CACNA1D: variants seen among roughly 807,000 people sequenced by gnomAD.
The protein encoded by CACNA1D is voltage-dependent L-type calcium channel subunit alpha-1D.
Under a neutral mutation model 257.1 loss-of-function variants are expected in CACNA1D, and 55 were observed. The observed-to-expected ratio is 0.21, with a 90% confidence interval of 0.17 to 0.27. The LOEUF (loss-of-function observed/expected upper bound fraction) is 0.27. Among genes scored for constraint, CACNA1D ranks in the 10% least tolerant of loss-of-function variants. CACNA1D has a pLI of 1.00. For synonymous variants in CACNA1D, 980 were observed against 1,014.9 expected, an observed-to-expected ratio of 0.97 and a Z score of 0.65; for missense variants, 1,876 against 2,784.0, an observed-to-expected ratio of 0.67 and a Z score of 7.34.
intron 4 of CACNA1D, among the ~76,000 whole-genome samples, chr3:53,651,685 C>T (rs2094098954): frequency 6.6e-6 from 1 of 152,152 alleles, no homozygotes; most frequent in Non-Finnish European, 1.5e-5. Flanking sequence ...ACCAAATACC[C>T]ATGTAGGAAG....
chr3:53,745,864 T>A lies in CACNA1D; in HGVS notation c.3156T>A (p.Pro1052=). 1 of 1,613,500 alleles carries A rather than the reference T, an allele frequency of 6.2e-7. No individual in the cohort carries two copies. Among genetic ancestry groups the A allele is most frequent in the Non-Finnish European group, 8.5e-7 (1 of 1,179,440 alleles). Residue 1052 remains proline, a synonymous_variant, in exon 25 of 48, where the codon CCT becomes CCA. Transcript: ENST00000350061. ...YRCTDEAKSN[P]EECRGLFILY... ...GTACGGATGAAGCCAAAAGTAACCC[T>A]GAAGAATGCAGGTGAGCGTCCTGAG... is the stretch of plus-strand genomic sequence containing the variant.
At chr3:53,661,679 G>A (rs1273400171) in intron 5 of CACNA1D, among the ~76,000 whole-genome samples, 2 of 152,216 alleles carry the variant, frequency 1.3e-5, no homozygotes, top group African/African-American at 4.8e-5. Flanking sequence ...TGGGGGCTGT[G>A]GCTGTGTGCG....
rs146390437 is a variant in CACNA1D at position 53,586,607 on chromosome 3, A to G, written c.484-64172A>G. Reference sequence around the variant, plus strand: ...TAGTATTCTAAAACTAACAGTAACAACGATTCTTTACATTTTTATAGAGAG... The same window carrying G: ...TAGTATTCTAAAACTAACAGTAACAGCGATTCTTTACATTTTTATAGAGAG... On this transcript the variant is annotated intron_variant, in intron 3 of 47. Coordinates refer to ENST00000350061, the MANE Select transcript of CACNA1D (RefSeq NM_001128840.3). Among the ~76,000 whole-genome samples the G allele has an allele frequency of 2.8e-3, 422 of 152,298 alleles. 2 individuals are homozygous for G. Among genetic ancestry groups the G allele is most frequent in the African/African-American group, 8.1e-3 (338 of 41,572 alleles).
chr3:53,652,367 C>G (rs2094106497), intron 4 of CACNA1D, among the ~76,000 whole-genome samples: 1 of 152,066 alleles, frequency 6.6e-6, no homozygotes, highest in South Asian at 2.1e-4. Context: ...GTTAAGGAGA[C>G]AGACAAGAGT....
intron 3 of CACNA1D, among the ~76,000 whole-genome samples, chr3:53,614,196 C>T (rs1160818243): frequency 6.6e-6 from 1 of 151,512 alleles, no homozygotes; most frequent in Non-Finnish European, 1.5e-5. Flanking sequence ...AGGAAGACAT[C>T]GTCCCGGGGC....
At position 53,774,818 on chromosome 3, in the gene CACNA1D, G is replaced by A. The variant is rs186187733; in HGVS notation, c.4202+140G>A. On this transcript the variant is annotated intron_variant, in intron 34 of 47. Transcript: ENST00000350061. This position sits in a 1 kb window ranked among gnomAD's most constrained non-coding sequence, Gnocchi z 4.3. ...ATGGCTTTTTGTTTTTGTTTGTTCTGTATTCTTAAACACAGACCCTAGCAT... is the reference window on the plus strand; with the variant it reads ...ATGGCTTTTTGTTTTTGTTTGTTCTATATTCTTAAACACAGACCCTAGCAT... 199 of 637,962 alleles carry A rather than the reference G, an allele frequency of 3.1e-4. 1 individual carries two copies. Among genetic ancestry groups the A allele is most frequent in the Non-Finnish European group, 4.8e-4 (171 of 354,140 alleles). 39.5% of individuals were successfully genotyped at this position (637,962 alleles called of 1,614,324 possible). A position where few individuals can be genotyped will look rare whatever the true frequency, so the allele number is the denominator to read the frequency against.
intron 5 of CACNA1D, among the ~76,000 whole-genome samples, chr3:53,661,463 A>G (rs1369795718): frequency 6.6e-6 from 1 of 152,242 alleles, no homozygotes; most frequent in Non-Finnish European, 1.5e-5. Context: ...AACTGTGTGG[A>G]ATCAATTGAG....
At chr3:53,633,941 A>G (rs2093851825) in intron 3 of CACNA1D, among the ~76,000 whole-genome samples, 3 of 152,246 alleles carry the variant, frequency 2.0e-5, no homozygotes, top group Admixed American at 1.3e-4. Context: ...AGAAAAACCT[A>G]TATTTGTTTG....
Position 53,616,492 on chromosome 3 carries a change from A to C in CACNA1D, c.484-34287A>C, listed in dbSNP as rs371150297. On this transcript the variant is annotated intron_variant, in intron 3 of 47. Coordinates refer to ENST00000350061, the MANE Select transcript of CACNA1D (RefSeq NM_001128840.3). ...TTCTGTCTCTCTGCCATCCAAACAG[A>C]TGCAGCTGCTCTGGAGTCAACCAGA... Among the ~76,000 whole-genome samples, 3 of 152,286 alleles carry C rather than the reference A, an allele frequency of 2.0e-5. No homozygotes were observed. The East Asian group carries it at 5.8e-4, about 29-fold the overall frequency.
intron 15 of CACNA1D, 22 bp downstream of exon 15, chr3:53,727,021 C>G: frequency 1.2e-6 from 2 of 1,614,012 alleles, no homozygotes; most frequent in Non-Finnish European, 1.7e-6. Context: ...GCCGACCAGG[C>G]TTTGTTGTTG....
intron 3 of CACNA1D, among the ~76,000 whole-genome samples, chr3:53,514,955 A>G (rs943145931): frequency 9.9e-5 from 15 of 152,216 alleles, no homozygotes; most frequent in Non-Finnish European, 1.9e-4. Flanking sequence ...GATCTGGTGA[A>G]GAAATGAACT....
chr3:53,622,830 C>T (rs564203182), intron 3 of CACNA1D, among the ~76,000 whole-genome samples: 1 of 151,510 alleles, frequency 6.6e-6, no homozygotes, highest in Admixed American at 6.6e-5. Flanking sequence ...GAATGCTACT[C>T]AGCAAGAAAA....
Position 53,673,587 on chromosome 3 carries a change from C to T in CACNA1D, c.1220+461C>T. ...GAAAAAAAAAAAAAAAGGGAAGGAC[C>T]TAGGCCCAGTCCCTGTCCTAGGAGC... On this transcript the variant is annotated intron_variant, in intron 8 of 47. Transcript: ENST00000350061. The surrounding 1 kb of genome is among the most constrained non-coding windows in gnomAD (Gnocchi z 4.1). 1.3e-6 allele frequency: 1 copy of T among 752,766 alleles called. No individual in the cohort carries two copies. Among genetic ancestry groups the T allele is most frequent in the African/African-American group, 1.7e-5 (1 of 57,648 alleles). 46.6% of individuals were successfully genotyped at this position (752,766 alleles called of 1,614,324 possible). A position where few individuals can be genotyped will look rare whatever the true frequency, so the allele number is the denominator to read the frequency against.
intron 8 of CACNA1D, among the ~76,000 whole-genome samples, chr3:53,702,085 T>C (rs1457613804): frequency 1.3e-5 from 2 of 152,194 alleles, no homozygotes; most frequent in African/African-American, 4.8e-5. Context: ...GGCCCGAACC[T>C]GCAGGTGATG....
At chr3:53,770,057 C>G in intron 31 of CACNA1D, 40 bp downstream of exon 31, 1 of 1,526,894 alleles carries the variant, frequency 6.5e-7, no homozygotes, top group Non-Finnish European at 9.1e-7. Flanking sequence ...GGGCCTTTTC[C>G]TTAAGTTTAT....
Position 53,763,351 on chromosome 3 carries a change from T to G in CACNA1D, c.3870+1270T>G, listed in dbSNP as rs2095314657. On this transcript the variant is annotated intron_variant, in intron 30 of 47. Transcript: ENST00000350061. The stretch of plus-strand genomic sequence containing the variant: ...TCCCTAGAAGCACTCTGAGCACCTC[T>G]CCCCCTGCAAAATTAAGAAGCGTGA... Among the ~76,000 whole-genome samples the G allele has an allele frequency of 1.3e-5, 2 of 152,162 alleles. 1 individual carries two copies. The highest frequency in any genetic ancestry group is 3.9e-4 in the East Asian group (2 of 5,194).
Position 53,673,913 on chromosome 3 carries a change from G to A in CACNA1D, c.1220+787G>A, listed in dbSNP as rs1559498460. On this transcript the variant is annotated intron_variant, in intron 8 of 47. Transcript: ENST00000350061. This position sits in a 1 kb window ranked among gnomAD's most constrained non-coding sequence, Gnocchi z 4.1. ...GCTCCCTGACAGCTTCTCTGCATGT[G>A]TTTGGACTCTGATGTCCTCTCAGTG... 2.5e-6 allele frequency: 2 copies of A among 799,014 alleles called. No individual in the cohort carries two copies. Among genetic ancestry groups the A allele is most frequent in the Non-Finnish European group, 4.5e-6 (2 of 440,190 alleles). 49.5% of individuals were successfully genotyped at this position (799,014 alleles called of 1,614,324 possible). A position where few individuals can be genotyped will look rare whatever the true frequency, so the allele number is the denominator to read the frequency against.
In CACNA1D at chr3:53,800,302, G is replaced by T. The variant is rs150463212; in HGVS notation, c.4977G>T (p.Ser1659=). The change falls in exon 41 of 48, where the codon TCG becomes TCT. Residue 1659 remains serine (S), a synonymous_variant. Transcript: ENST00000350061. The surrounding 1 kb of genome is among the most constrained non-coding windows in gnomAD (Gnocchi z 4.3). ...GGCCAGAAATCCGGCGTGCTATATC[G>T]TGTGATTTGCAAGATGACGAGCCTG... is the stretch of plus-strand genomic sequence containing the variant. ...DIGPEIRRAI[S]CDLQDDEPEE... 2.5e-6 allele frequency: 4 copies of T among 1,613,966 alleles called. No homozygotes were observed. Among genetic ancestry groups the T allele is most frequent in the Non-Finnish European group, 3.4e-6 (4 of 1,179,928 alleles).
rs377505684 is a variant in CACNA1D, at chr3:53,673,704, A to C, written c.1220+578A>C. ...GATAACTGATAACTGATCTCCTTAC[A>C]TTTTACAGGTAAATGATGCGATAGG... is the stretch of plus-strand genomic sequence containing the variant. On this transcript the variant is annotated intron_variant, in intron 8 of 47. Coordinates refer to ENST00000350061, the MANE Select transcript of CACNA1D (RefSeq NM_001128840.3). The surrounding 1 kb of genome is among the most constrained non-coding windows in gnomAD (Gnocchi z 4.1). 1 of 1,594,152 alleles carries C rather than the reference A, an allele frequency of 6.3e-7. No homozygotes were observed. The highest frequency in any genetic ancestry group is 8.6e-7 in the Non-Finnish European group (1 of 1,161,848).
Sources: gnomAD v4.1 joint callset for allele counts (sites outside exome capture counted in the v4.1 genomes callset) on GRCh38, gnomAD v4.1.1 for gene constraint, Gnocchi (gnomAD v3.1) non-coding constraint, MANE v1.5 for transcripts, NCBI Gene and HGNC (gene_info 2026-07-23, HGNC 2026-07-21) for gene names.